RBPMS2: variants seen among roughly 807,000 people sequenced by gnomAD.
The protein encoded by RBPMS2 is RNA-binding protein with multiple splicing 2.
In RBPMS2, 14 loss-of-function variants were observed where a neutral mutation model predicts 25.7. The ratio of observed to expected loss-of-function variants is 0.55; its 90% CI spans 0.36 to 0.85. The LOEUF (loss-of-function observed/expected upper bound fraction) is 0.85. Ranked by LOEUF, RBPMS2 falls within the 40% of genes least tolerant of loss-of-function variation. The pLI, the probability that RBPMS2 is intolerant of heterozygous loss-of-function variation, is 0.01. For missense variants in RBPMS2, 252 were observed against 283.4 expected (o/e 0.89, Z 0.80); for synonymous variants, 127 against 115.6 (o/e 1.10, Z -0.63).
Position 64,740,605 on chromosome 15 carries a change from C to T in RBPMS2, c.*403G>A, listed in dbSNP as rs1379311765. ...GCTATGGTGACAGTGTGAGAACAAA[C>T]TGTACACTCATATATACAAGTATAA... On this transcript the variant is annotated 3_prime_UTR_variant, in exon 8 of 8. Transcript: ENST00000300069. 2 of 153,282 alleles carry T rather than the reference C, an allele frequency of 1.3e-5. No homozygotes were observed. Among genetic ancestry groups the T allele is most frequent in the African/African-American group, 4.8e-5 (2 of 41,428 alleles). 9.5% of individuals were successfully genotyped at this position (153,282 alleles called of 1,614,324 possible). A position where few individuals can be genotyped will look rare whatever the true frequency, so the allele number is the denominator to read the frequency against.
chr15:64,773,861 G>A (rs1210613570), intron 1 of RBPMS2, among the ~76,000 whole-genome samples: 1 of 152,192 alleles, frequency 6.6e-6, no homozygotes, highest in Non-Finnish European at 1.5e-5. Flanking sequence ...TCAGGATGGG[G>A]GCAAGATCCC....
At chr15:64,771,548 T>TGGC (rs1254814865) in intron 1 of RBPMS2, among the ~76,000 whole-genome samples, 1 of 151,272 alleles carries the variant, frequency 6.6e-6, no homozygotes, top group Non-Finnish European at 1.5e-5. Flanking sequence ...CCAGGCATGG[T>TGGC]GGCGTGCACC....
intron 6 of RBPMS2, among the ~76,000 whole-genome samples, chr15:64,741,953 G>A (rs577418281): frequency 6.6e-6 from 1 of 152,288 alleles, no homozygotes; most frequent in South Asian, 2.1e-4. Flanking sequence ...ACCACCTGAG[G>A]TTCAGAGTTC....
intron 1 of RBPMS2, among the ~76,000 whole-genome samples, chr15:64,766,477 G>A (rs183700151): frequency 1.3e-5 from 2 of 152,136 alleles, no homozygotes; most frequent in Non-Finnish European, 2.9e-5. Context: ...GCAGTGGACG[G>A]GTTCTGGCAT....
intron 1 of RBPMS2, among the ~76,000 whole-genome samples, chr15:64,763,730 A>C (rs1298951721): frequency 6.6e-6 from 1 of 150,714 alleles, no homozygotes; most frequent in Non-Finnish European, 1.5e-5. Flanking sequence ...GCTGAGGCTT[A>C]AGTCCAAGTT....
At chr15:64,764,892 TG>T (rs2083828777) in intron 1 of RBPMS2, among the ~76,000 whole-genome samples, 1 of 134,324 alleles carries the variant, frequency 7.4e-6, no homozygotes, top group African/African-American at 2.8e-5. Context: ...CACTCTAGCC[TG>T]GGTGACAACA....
intron 1 of RBPMS2, among the ~76,000 whole-genome samples, chr15:64,772,550 A>G (rs2083899739): frequency 6.6e-6 from 1 of 152,208 alleles, no homozygotes; most frequent in Admixed American, 6.5e-5. Context: ...TTATGGCTGC[A>G]CTGCCTGATA....
At chr15:64,771,980 T>C (rs901259849) in intron 1 of RBPMS2, among the ~76,000 whole-genome samples, 4 of 152,116 alleles carry the variant, frequency 2.6e-5, no homozygotes, top group Admixed American at 6.6e-5. Flanking sequence ...AAAAATAACC[T>C]ATGCACATTT....
At chr15:64,741,398 T>C (rs2083561296) in intron 6 of RBPMS2, among the ~76,000 whole-genome samples, 156 bp from the exon 7 acceptor site, 1 of 152,158 alleles carries the variant, frequency 6.6e-6, no homozygotes, top group East Asian at 1.9e-4. Context: ...AGCATCAGTT[T>C]CTCTATCCGG....
At position 64,741,186 on chromosome 15, in the gene RBPMS2, G is replaced by A. The variant is rs1462445152; in HGVS notation, c.624C>T (p.Phe208=). The A allele has an allele frequency of 1.9e-6, 3 of 1,582,446 alleles. No individual in the cohort carries two copies. The African/African-American group carries it at 4.0e-5, about 21-fold the overall frequency. ...GCCAACACTTACTGAAAAACTAACAGAACTGACGGTACTTCCATCCTTGCT... is the reference window on the plus strand; with the variant it reads ...GCCAACACTTACTGAAAAACTAACAAAACTGACGGTACTTCCATCCTTGCT... ...TTQQGWKYRQ[F]C Residue 208 remains phenylalanine, a synonymous_variant, in exon 7 of 8, where the codon TTC becomes TTT. Transcript: ENST00000300069.
intron 2 of RBPMS2, 25 bp from the exon 3 acceptor site, chr15:64,750,406 G>T: frequency 2.5e-6 from 4 of 1,610,022 alleles, no homozygotes; most frequent in Non-Finnish European, 3.4e-6. Flanking sequence ...GGCTGTTACC[G>T]TGGAAGGTCA....
chr15:64,744,257 C>G (rs1030722152), intron 6 of RBPMS2, among the ~76,000 whole-genome samples: 5 of 151,950 alleles, frequency 3.3e-5, no homozygotes, highest in Non-Finnish European at 4.4e-5. Context: ...AGGAATTTAT[C>G]ATAAAGAAAA....
intron 1 of RBPMS2, among the ~76,000 whole-genome samples, chr15:64,774,597 G>A (rs1032235176): frequency 1.3e-4 from 19 of 146,770 alleles, no homozygotes; most frequent in African/African-American, 4.0e-4. Context: ...CCAGAGAGAG[G>A]AGAAGGACGA....
intron 1 of RBPMS2, among the ~76,000 whole-genome samples, chr15:64,773,353 C>G (rs1186150224): frequency 6.6e-6 from 1 of 152,214 alleles, no homozygotes; most frequent in Non-Finnish European, 1.5e-5. Flanking sequence ...CCAGACCAGA[C>G]AGACACTGGG....
intron 1 of RBPMS2, among the ~76,000 whole-genome samples, chr15:64,774,114 C>G (rs2083911011): frequency 6.6e-6 from 1 of 152,232 alleles, no homozygotes; most frequent in African/African-American, 2.4e-5. Flanking sequence ...GCCACCGGCG[C>G]CATTCTGCAC....
At chr15:64,772,857 C>T (rs1234019449) in intron 1 of RBPMS2, among the ~76,000 whole-genome samples, 1 of 152,116 alleles carries the variant, frequency 6.6e-6, no homozygotes, top group African/African-American at 2.4e-5. Context: ...TCACTTGTAT[C>T]CTTAACCCCT....
chr15:64,762,187 T>C (rs1270644531), intron 1 of RBPMS2, among the ~76,000 whole-genome samples: 1 of 151,962 alleles, frequency 6.6e-6, no homozygotes, highest in Non-Finnish European at 1.5e-5. Flanking sequence ...TTGGGGTAGG[T>C]ATGATGGTGA....
chr15:64,768,463 CCT>C (rs778721811), intron 1 of RBPMS2, among the ~76,000 whole-genome samples: 6 of 152,044 alleles, frequency 3.9e-5, no homozygotes, highest in Non-Finnish European at 8.8e-5. Flanking sequence ...CATGGTGAAA[CCT>C]CATCTCTACT....
chr15:64,773,658 T>C (rs1595798037), intron 1 of RBPMS2, among the ~76,000 whole-genome samples: 1 of 152,166 alleles, frequency 6.6e-6, no homozygotes, highest in East Asian at 1.9e-4. Context: ...ACCAGCCTCT[T>C]GGGCAGTGTG....
Sources: gnomAD v4.1 joint callset for allele counts (sites outside exome capture counted in the v4.1 genomes callset) on GRCh38, gnomAD v4.1.1 for gene constraint, MANE v1.5 for transcripts, NCBI Gene and HGNC (gene_info 2026-07-23, HGNC 2026-07-21) for gene names.